IL1RAPL2: variants seen among roughly 807,000 people sequenced by gnomAD.
The protein encoded by IL1RAPL2 is interleukin 1 receptor accessory protein like 2.
A neutral mutation model predicts 44.1 loss-of-function variants in IL1RAPL2; 3 were observed. The observed-to-expected ratio is 0.07, with a 90% CI of 0.03 to 0.18. The LOEUF is 0.18. IL1RAPL2 is among the 10% of genes least tolerant of loss of function. The probability of loss-of-function intolerance (pLI) is 1.00; values close to 1 mark genes in which losing one functional copy is unlikely to be tolerated. For synonymous variants in IL1RAPL2, 181 were observed against 178.8 expected, an observed-to-expected ratio of 1.01 and a Z score of -0.10; for missense variants, 391 against 496.4, an observed-to-expected ratio of 0.79 and a Z score of 2.02.
chrX:105,275,453 T>A (rs1170890158), intron 5 of IL1RAPL2, among the ~76,000 whole-genome samples: 2 of 112,123 alleles, frequency 1.8e-5, no homozygotes, highest in African/African-American at 6.5e-5. Flanking sequence ...TTAGTATCAC[T>A]TATTTTTTCC....
chrX:105,319,430 G>T (rs889632526), intron 5 of IL1RAPL2, among the ~76,000 whole-genome samples: 2 of 111,835 alleles, frequency 1.8e-5, no homozygotes, highest in Non-Finnish European at 3.8e-5. Flanking sequence ...CTAGGAAATT[G>T]AGCTCAAGGG....
intron 2 of IL1RAPL2, among the ~76,000 whole-genome samples, chrX:105,019,472 T>A (rs1252114323): frequency 9.0e-6 from 1 of 111,611 alleles, no homozygotes; most frequent in African/African-American, 3.2e-5. Flanking sequence ...AATTGAGGCA[T>A]GAACAAAAGA....
At chrX:104,997,042 G>A (rs1249316821) in intron 2 of IL1RAPL2, among the ~76,000 whole-genome samples, 1 of 111,287 alleles carries the variant, frequency 9.0e-6, no homozygotes, top group Admixed American at 9.5e-5. Flanking sequence ...ATAGAGATGA[G>A]GTAGACAGGA....
chrX:105,272,919 C>T (rs1392428525), intron 5 of IL1RAPL2, among the ~76,000 whole-genome samples: 1 of 111,945 alleles, frequency 8.9e-6, no homozygotes, highest in Non-Finnish European at 1.9e-5. Context: ...GGAAAACACA[C>T]TTTTTGTGGT....
rs192449948 is a variant in IL1RAPL2, at chrX:105,552,629, G to A, written c.772+68242G>A. On this transcript the variant is annotated intron_variant, in intron 6 of 10. Transcript: ENST00000372582. The stretch of plus-strand genomic sequence containing the variant: ...CTGTCCTCTCTGTCTTCCTCCATCT[G>A]CTGGCTATATGCTGAATCCCAGAGT... Among the ~76,000 whole-genome samples the A allele has an allele frequency of 4.5e-5, 5 of 111,855 alleles. No homozygotes were observed. The East Asian group carries it at 1.4e-3, about 32-fold the overall frequency.
chrX:104,683,224 A>G (rs1044518538), intron 2 of IL1RAPL2, among the ~76,000 whole-genome samples: 2 of 111,977 alleles, frequency 1.8e-5, no homozygotes, highest in Non-Finnish European at 3.8e-5. Flanking sequence ...TACTTCAGCC[A>G]CATGTAAAGA....
At chrX:105,274,120 T>G (rs1402840962) in intron 5 of IL1RAPL2, among the ~76,000 whole-genome samples, 1 of 112,277 alleles carries the variant, frequency 8.9e-6, no homozygotes, top group Non-Finnish European at 1.9e-5. Context: ...CATTCCACTA[T>G]AATATCCTTT....
rs753325653 is a variant in IL1RAPL2, at chrX:104,894,463, C to G, written c.82+235468C>G. 9.8e-5 allele frequency among the ~76,000 whole-genome samples: 11 copies of G among 111,887 alleles called. No homozygotes were observed. In the East Asian group the frequency reaches 2.8e-3, roughly 29 times the overall value. ...GGTCTTTTCACGTAGTCCCATATTT[C>G]TTGGAGGCTTTATTTTGTTTCTTTT... On this transcript the variant is annotated intron_variant, in intron 2 of 10. Transcript: ENST00000372582.
intron 6 of IL1RAPL2, among the ~76,000 whole-genome samples, chrX:105,573,612 C>G (rs1157407755): frequency 1.8e-5 from 2 of 110,486 alleles, no homozygotes; most frequent in Non-Finnish European, 3.8e-5. Flanking sequence ...TGTGAGATGA[C>G]TTTCAGATTT....
chrX:105,110,621 T>C (rs1238285166), intron 2 of IL1RAPL2, among the ~76,000 whole-genome samples: 1 of 111,779 alleles, frequency 8.9e-6, no homozygotes, highest in Non-Finnish European at 1.9e-5. Flanking sequence ...CCTTTTAGAA[T>C]GCAAATTGCA....
intron 2 of IL1RAPL2, among the ~76,000 whole-genome samples, chrX:104,999,695 G>A (rs1393159660): frequency 9.0e-6 from 1 of 111,377 alleles, no homozygotes; most frequent in African/African-American, 3.3e-5. Flanking sequence ...TTTGCTTACA[G>A]GCTCCTCCTT....
intron 6 of IL1RAPL2, among the ~76,000 whole-genome samples, chrX:105,626,776 C>A (rs1265366781): frequency 4.5e-5 from 5 of 111,309 alleles, no homozygotes; most frequent in African/African-American, 1.6e-4. Flanking sequence ...GAAAAGTTAT[C>A]CAAGCTAGTC....
intron 1 of IL1RAPL2, among the ~76,000 whole-genome samples, chrX:104,592,856 C>T (rs1254136171): frequency 8.9e-6 from 1 of 111,745 alleles, no homozygotes; most frequent in African/African-American, 3.2e-5. Context: ...GGAAAAGTAA[C>T]ATTTCATCTT....
intron 2 of IL1RAPL2, among the ~76,000 whole-genome samples, chrX:104,860,978 G>A (rs998444796): frequency 2.7e-5 from 3 of 110,595 alleles, no homozygotes; most frequent in African/African-American, 9.8e-5. Context: ...TTTGTCCTTG[G>A]TGCATATGAT....
At chrX:104,875,155 T>A (rs1427476231) in intron 2 of IL1RAPL2, among the ~76,000 whole-genome samples, 1 of 111,952 alleles carries the variant, frequency 8.9e-6, no homozygotes, top group Non-Finnish European at 1.9e-5. Context: ...CTGAAGTACA[T>A]TTTTCTCCAT....
intron 2 of IL1RAPL2, among the ~76,000 whole-genome samples, chrX:104,728,474 T>A (rs1467246181): frequency 8.9e-6 from 1 of 111,745 alleles, no homozygotes; most frequent in Non-Finnish European, 1.9e-5. Flanking sequence ...AATTCATATG[T>A]GGAAGTCCTA....
At chrX:104,876,866 C>T (rs1329783691) in intron 2 of IL1RAPL2, among the ~76,000 whole-genome samples, 3 of 109,102 alleles carry the variant, frequency 2.7e-5, no homozygotes, top group Non-Finnish European at 3.8e-5. Context: ...TCTCCCAATG[C>T]TATCCCTCCC....
At chrX:105,272,356 A>G (rs111378814) in intron 5 of IL1RAPL2, among the ~76,000 whole-genome samples, 6 of 112,006 alleles carry the variant, frequency 5.4e-5, no homozygotes, top group Non-Finnish European at 1.1e-4. Context: ...GGAAGCCAGA[A>G]CTAATTATCT....
Position 105,342,286 on chromosome X carries a change from G to T in IL1RAPL2, c.697+74745G>T, listed in dbSNP as rs2035077676. On this transcript the variant is annotated intron_variant, in intron 5 of 10. Transcript: ENST00000372582. ...TAACAAACCTGCACGTTGTGCACAT[G>T]TACCCTAAAACTTAAAGTATAATAA... is the stretch of plus-strand genomic sequence containing the variant. 3.6e-5 allele frequency among the ~76,000 whole-genome samples: 4 copies of T among 110,245 alleles called. No homozygotes were observed. In the South Asian group the frequency reaches 1.2e-3, roughly 32 times the overall value.
Sources: gnomAD v4.1 joint callset for allele counts (sites outside exome capture counted in the v4.1 genomes callset) on GRCh38, gnomAD v4.1.1 for gene constraint, MANE v1.5 for transcripts, NCBI Gene and HGNC (gene_info 2026-07-23, HGNC 2026-07-21) for gene names.